Variants in SYNJ1 observed in about 807,000 individuals in gnomAD.
SYNJ1 encodes synaptojanin 1.
Under a neutral mutation model 168.2 loss-of-function variants are expected in SYNJ1, and 78 were observed. The ratio of observed to expected loss-of-function variants is 0.46; its 90% confidence interval spans 0.39 to 0.56. The LOEUF (loss-of-function observed/expected upper bound fraction) is 0.56, where lower values mean the gene tolerates loss of function less well. SYNJ1 is among the 20% of genes least tolerant of loss of function. The pLI is 0.00. For missense variants in SYNJ1, 1,303 were observed against 1,597.6 expected (o/e 0.82, Z 3.14); for synonymous variants, 539 against 548.6 (o/e 0.98, Z 0.24).
upstream of SYNJ1, chr21:32,728,320 G>T (rs574629324): frequency 3.3e-5 from 13 of 399,380 alleles, no homozygotes; most frequent in Admixed American, 2.8e-4. Context: ...GAAAAGCTTG[G>T]GGGGCTGCGT....
intron 4 of SYNJ1, among the ~76,000 whole-genome samples, chr21:32,697,758 G>A (rs1440580495): frequency 5.3e-5 from 8 of 152,218 alleles, no homozygotes; most frequent in Non-Finnish European, 7.3e-5. Context: ...CCAAGATCGC[G>A]CCACTGCGCT....
Position 32,681,491 on chromosome 21 carries a change from T to C in SYNJ1, c.1353+5A>G, listed in dbSNP as rs376825246. On this transcript the variant is annotated splice_donor_5th_base_variant and intron_variant, in intron 11 of 32. Transcript: ENST00000674351. Reference sequence around the variant, plus strand: ...TCTGTAATGTTATGATAGATCTAGATATACCTTCGCTTTCCCTTCAAGAGC... The same window carrying C: ...TCTGTAATGTTATGATAGATCTAGACATACCTTCGCTTTCCCTTCAAGAGC... The C allele has an allele frequency of 1.2e-6, 2 of 1,610,562 alleles. No homozygotes were observed. Among genetic ancestry groups the C allele is most frequent in the Non-Finnish European group, 8.5e-7 (1 of 1,178,098 alleles).
chr21:32,666,226 C>T, intron 16 of SYNJ1, 91 bp from the exon 17 acceptor site: 1 of 1,473,312 alleles, frequency 6.8e-7, no homozygotes, highest in South Asian at 1.3e-5. Context: ...CATTTAAGTA[C>T]ACATGGTATG....
chr21:32,725,122 A>G (rs567121542), intron 2 of SYNJ1, among the ~76,000 whole-genome samples: 15 of 152,324 alleles, frequency 9.8e-5, no homozygotes, highest in Admixed American at 5.9e-4. Context: ...TCTAAAAACT[A>G]TAAGTAATAC....
At chr21:32,632,691 G>C (rs1281065646) in intron 32 of SYNJ1, among the ~76,000 whole-genome samples, 1 of 152,122 alleles carries the variant, frequency 6.6e-6, no homozygotes, top group Non-Finnish European at 1.5e-5. Flanking sequence ...CGGCACAGCT[G>C]ACTTTTAATG....
In SYNJ1 at chr21:32,630,992, G is replaced by T. The variant is rs2039295806; in HGVS notation, c.*813C>A. On this transcript the variant is annotated 3_prime_UTR_variant, in exon 33 of 33. Coordinates refer to ENST00000674351, the MANE Select transcript of SYNJ1 (RefSeq NM_203446.3). ...AGTACCCACTGTTTTCTATTGCATGGCGTTATCTTTCTGTAAAGTCCAGTG... is the reference window on the plus strand; with the variant it reads ...AGTACCCACTGTTTTCTATTGCATGTCGTTATCTTTCTGTAAAGTCCAGTG... The T allele has an allele frequency of 1.2e-6, 2 of 1,608,844 alleles. No homozygotes were observed. Among genetic ancestry groups the T allele is most frequent in the Admixed American group, 3.4e-5 (2 of 59,270 alleles).
chr21:32,658,967 T>C (rs1461888340), intron 18 of SYNJ1, among the ~76,000 whole-genome samples: 2 of 152,216 alleles, frequency 1.3e-5, no homozygotes, highest in Non-Finnish European at 1.5e-5. Context: ...AATGGGATTC[T>C]GGAAACATCT....
chr21:32,632,030 C>A (rs2039349492), intron 32 of SYNJ1, among the ~76,000 whole-genome samples: 2 of 152,098 alleles, frequency 1.3e-5, no homozygotes, highest in African/African-American at 4.8e-5. Context: ...ATTTTTAAAT[C>A]CCTCAAAATC....
intron 10 of SYNJ1, among the ~76,000 whole-genome samples, chr21:32,683,728 C>T (rs927283696): frequency 3.3e-5 from 5 of 151,954 alleles, no homozygotes; most frequent in Non-Finnish European, 7.4e-5. Flanking sequence ...CACCCACACC[C>T]ACACATATAT....
At chr21:32,723,600 A>G (rs1310851273) in intron 2 of SYNJ1, among the ~76,000 whole-genome samples, 2 of 152,116 alleles carry the variant, frequency 1.3e-5, no homozygotes, top group African/African-American at 4.8e-5. Context: ...GGTGGAAACC[A>G]TGAACCCAGG....
chr21:32,672,059 C>CAAAAAAAAAAAAAAAAAAAAAAAAAACAA (rs1160074724), intron 14 of SYNJ1, among the ~76,000 whole-genome samples: 1 of 24,664 alleles, frequency 4.1e-5, no homozygotes, highest in Non-Finnish European at 7.2e-5. Flanking sequence ...AACTCAATCT[C>CAAAAAAAAAAAAAAAAAAAAAAAAAACAA]AAAAAAAAAA....
intron 2 of SYNJ1, among the ~76,000 whole-genome samples, chr21:32,720,802 GT>G (rs1489337714): frequency 6.6e-6 from 1 of 152,186 alleles, no homozygotes; most frequent in East Asian, 1.9e-4. Context: ...CATAACTTCT[GT>G]TTTTAGAGTT....
chr21:32,672,515 T>C (rs191483520), intron 14 of SYNJ1, among the ~76,000 whole-genome samples: 227 of 152,116 alleles, frequency 1.5e-3, no homozygotes, highest in African/African-American at 4.9e-3. Flanking sequence ...AATTTTTTTA[T>C]TTTTAGTAGA....
intron 6 of SYNJ1, 44 bp downstream of exon 6, chr21:32,694,184 A>C: frequency 1.0e-5 from 14 of 1,372,048 alleles, no homozygotes; most frequent in Non-Finnish European, 1.4e-5. Context: ...AGAAAATATG[A>C]AAATTGTTCA....
At position 32,727,978 on chromosome 21, in the gene SYNJ1, GCAGCCGCCGCCA is replaced by G. The variant is rs1035093736; in HGVS notation, c.-67_-56del. On this transcript the variant is annotated 5_prime_UTR_variant, in exon 1 of 33. Coordinates refer to ENST00000674351, the MANE Select transcript of SYNJ1 (RefSeq NM_203446.3). ...TCCGGCTCCTCCTCCTCCTTCTCCCGCAGCCGCCGCCACAGCCGCCGGGAGCGTCACTTCCGC... is the reference window on the plus strand; with the variant it reads ...TCCGGCTCCTCCTCCTCCTTCTCCCGCAGCCGCCGGGAGCGTCACTTCCGC... 67 of 1,534,874 alleles carry G rather than the reference GCAGCCGCCGCCA, an allele frequency of 4.4e-5. No individual in the cohort carries two copies. The highest frequency in any genetic ancestry group is 1.8e-4 in the Middle Eastern group (1 of 5,442).
At position 32,641,911 on chromosome 21, in the gene SYNJ1, G is replaced by A. The variant is rs1240873642; in HGVS notation, c.3573C>T (p.Tyr1191=). The part of the protein sequence containing the change: ...AGLAGPGPAG[Y]STARPTIPPR... ...TTTTACCTACCGGTCTGGCTGTACT[G>A]TATCCAGCAGGTCCTGGGCCTGCAA... is the stretch of plus-strand genomic sequence containing the variant. The change falls in exon 29 of 33, where the codon TAC becomes TAT. Residue 1191 remains tyrosine (Y), a synonymous_variant. Transcript: ENST00000674351. The A allele has an allele frequency of 6.2e-7, 1 of 1,612,826 alleles. No individual in the cohort carries two copies. The highest frequency in any genetic ancestry group is 1.1e-5 in the South Asian group (1 of 90,918).
intron 2 of SYNJ1, among the ~76,000 whole-genome samples, chr21:32,721,655 G>A (rs2043226597): frequency 1.3e-5 from 2 of 151,662 alleles, no homozygotes. Flanking sequence ...CTCCAACTTG[G>A]GTGACAGAGC....
intron 15 of SYNJ1, among the ~76,000 whole-genome samples, chr21:32,667,703 G>C (rs1278625600): frequency 6.6e-6 from 1 of 152,104 alleles, no homozygotes; most frequent in Non-Finnish European, 1.5e-5. Context: ...GCAAGTAGCT[G>C]AAACTCATTC....
intron 6 of SYNJ1, among the ~76,000 whole-genome samples, chr21:32,688,922 T>C (rs1335629737): frequency 6.6e-6 from 1 of 152,210 alleles, no homozygotes; most frequent in Non-Finnish European, 1.5e-5. Flanking sequence ...TTCCACCAAA[T>C]TGAGAATATC....
Sources: allele counts gnomAD v4.1 joint callset (sites outside exome capture counted in the v4.1 genomes callset), GRCh38; gene constraint gnomAD v4.1.1; transcripts MANE v1.5; gene names NCBI Gene and HGNC (gene_info 2026-07-23, HGNC 2026-07-21).